ATXN2: variants seen among roughly 807,000 people sequenced by gnomAD.
The protein encoded by ATXN2 is ataxin 2.
A neutral mutation model predicts 138.6 loss-of-function variants in ATXN2; 37 were observed. The ratio of observed to expected loss-of-function variants is 0.27; its 90% CI spans 0.21 to 0.35. The LOEUF is 0.35. Ranked by LOEUF, ATXN2 falls within the 10% of genes least tolerant of loss-of-function variation. ATXN2 has a pLI of 1.00. For synonymous variants in ATXN2, 549 were observed against 543.7 expected (o/e 1.01, Z -0.13); for missense variants, 1,216 against 1,480.3 (o/e 0.82, Z 2.93).
intron 1 of ATXN2, among the ~76,000 whole-genome samples, chr12:111,588,664 C>A (rs1264306099): frequency 1.3e-5 from 2 of 151,176 alleles, no homozygotes; most frequent in South Asian, 2.1e-4. Context: ...ACAGCTGTGA[C>A]AAGTTTTCAT....
intron 1 of ATXN2, among the ~76,000 whole-genome samples, chr12:111,565,512 T>TC (rs1882950872): frequency 1.3e-5 from 2 of 152,202 alleles, no homozygotes; most frequent in African/African-American, 4.8e-5. Context: ...TATTATTGTA[T>TC]CTGTTATAGT....
At position 111,552,463 on chromosome 12, in the gene ATXN2, C is replaced by G; in HGVS notation, c.421-33G>C. On this transcript the variant is annotated intron_variant, in intron 4 of 24. Coordinates refer to ENST00000673436, the MANE Select transcript of ATXN2 (RefSeq NM_001372574.1). The surrounding 1 kb of genome is among the most constrained non-coding windows in gnomAD (Gnocchi z 4.1). Reference sequence around the variant, plus strand: ...GAAAAACACAAGTAAGTACTCCAAACCTTTACAAAATAAAATTTGTTAGGA... The same window carrying G: ...GAAAAACACAAGTAAGTACTCCAAAGCTTTACAAAATAAAATTTGTTAGGA... The G allele has an allele frequency of 6.4e-7, 1 of 1,570,570 alleles. No individual in the cohort carries two copies.
rs147152664 is a variant in ATXN2, at chr12:111,501,672, G to T, written c.1935+7877C>A. 2.1e-3 allele frequency among the ~76,000 whole-genome samples: 326 copies of T among 152,238 alleles called. 3 individuals are homozygous for T. The South Asian group carries it at 0.023, about 11-fold the overall frequency. ...ACAGGGTATTTATGTGGGCACACTG[G>T]CAATTTAAGTCACGATGTAGGAACT... On this transcript the variant is annotated intron_variant, in intron 14 of 24. Coordinates refer to ENST00000673436, the MANE Select transcript of ATXN2 (RefSeq NM_001372574.1).
At chr12:111,513,672 G>GAAA in intron 10 of ATXN2, 133 bp from the exon 11 acceptor site, 7 of 469,932 alleles carry the variant, frequency 1.5e-5, no homozygotes, top group Non-Finnish European at 2.2e-5. Context: ...GTTAAAAATA[G>GAAA]AAAAAAAAAA....
chr12:111,499,472 G>A (rs1285203767), intron 14 of ATXN2, among the ~76,000 whole-genome samples: 1 of 152,190 alleles, frequency 6.6e-6, no homozygotes, highest in Non-Finnish European at 1.5e-5. Flanking sequence ...GGGAGGCTGA[G>A]GCAGGTAAAT....
At chr12:111,556,806 ACT>A (rs1395062116) in intron 1 of ATXN2, among the ~76,000 whole-genome samples, 6 of 148,774 alleles carry the variant, frequency 4.0e-5, no homozygotes, top group East Asian at 4.0e-4. Flanking sequence ...ACAGAGCAAG[ACT>A]CTGTCTCAAA....
At chr12:111,482,976 C>G (rs1246127985) in intron 18 of ATXN2, 1 of 152,108 alleles carries the variant, frequency 6.6e-6, no homozygotes, top group Non-Finnish European at 1.5e-5. Flanking sequence ...TCGCTTGAGC[C>G]CAGGAGTTTG....
intron 5 of ATXN2, among the ~76,000 whole-genome samples, chr12:111,548,074 T>A (rs1183523451): frequency 6.6e-6 from 1 of 151,872 alleles, no homozygotes; most frequent in Non-Finnish European, 1.5e-5. Flanking sequence ...GTGCCTGTAA[T>A]CCCAGTTATT....
At chr12:111,536,062 T>A (rs1881153987) in intron 5 of ATXN2, among the ~76,000 whole-genome samples, 1 of 151,312 alleles carries the variant, frequency 6.6e-6, no homozygotes, top group Non-Finnish European at 1.5e-5. Context: ...GAAGTTCCAC[T>A]GGGAAGGGCC....
intron 18 of ATXN2, 93 bp from the exon 19 acceptor site, chr12:111,470,835 C>T (rs1441780370): frequency 1.5e-6 from 2 of 1,355,784 alleles, no homozygotes; most frequent in African/African-American, 2.9e-5. Flanking sequence ...ATGATTTGAC[C>T]CTGAATCTGC....
At position 111,456,242 on chromosome 12, in the gene ATXN2, CTGGTGCTGA is replaced by C; in HGVS notation, c.3048_3056del (p.His1016_His1018del). Reference sequence around the variant, plus strand: ...TGGCCAGATGGAGAGCCTGGGCGGCCTGGTGCTGATGGTGCTGCAAAGCGACAGGAAAGA... The same window carrying C: ...TGGCCAGATGGAGAGCCTGGGCGGCCTGGTGCTGCAAAGCGACAGGAAAGA... On this transcript the variant is annotated inframe_deletion, in exon 23 of 25. Transcript: ENST00000673436. 1 of 1,614,196 alleles carries C rather than the reference CTGGTGCTGA, an allele frequency of 6.2e-7. No individual in the cohort carries two copies. Among genetic ancestry groups the C allele is most frequent in the South Asian group, 1.1e-5 (1 of 91,086 alleles).
intron 1 of ATXN2, among the ~76,000 whole-genome samples, chr12:111,585,597 G>A (rs936731326): frequency 1.3e-4 from 19 of 151,784 alleles, no homozygotes; most frequent in South Asian, 2.1e-4. Flanking sequence ...CTGAGGTCAG[G>A]AGTTCGAGAC....
chr12:111,457,027 C>T (rs1052052722), intron 22 of ATXN2, among the ~76,000 whole-genome samples, 187 bp downstream of exon 22: 2 of 152,184 alleles, frequency 1.3e-5, no homozygotes, highest in African/African-American at 4.8e-5. Context: ...GGATTACAGG[C>T]GTGAGCCACT....
intron 6 of ATXN2, among the ~76,000 whole-genome samples, chr12:111,524,439 C>CA (rs1299739451): frequency 3.9e-5 from 6 of 152,178 alleles, no homozygotes; most frequent in Admixed American, 2.6e-4. Flanking sequence ...ATCCTAAAGA[C>CA]AGAGTCTTTA....
intron 5 of ATXN2, among the ~76,000 whole-genome samples, chr12:111,531,185 C>T (rs927178799): frequency 6.6e-6 from 1 of 152,020 alleles, no homozygotes; most frequent in Non-Finnish European, 1.5e-5. Context: ...GAGGCTGAGG[C>T]GGGTGGATCA....
intron 5 of ATXN2, among the ~76,000 whole-genome samples, chr12:111,542,857 A>G (rs922822921): frequency 6.6e-6 from 1 of 152,204 alleles, no homozygotes; most frequent in Non-Finnish European, 1.5e-5. Context: ...TCCAAATAAA[A>G]TTCTATTTTA....
intron 13 of ATXN2, 48 bp downstream of exon 13, chr12:111,509,843 C>T: frequency 7.2e-7 from 1 of 1,387,904 alleles, no homozygotes; most frequent in Non-Finnish European, 1.0e-6. Context: ...ATTAGACATA[C>T]TTCTTCCTAT....
At chr12:111,562,677 G>A (rs1882762701) in intron 1 of ATXN2, among the ~76,000 whole-genome samples, 1 of 139,442 alleles carries the variant, frequency 7.2e-6, no homozygotes. Flanking sequence ...CCAAGATCAG[G>A]CCACCGCACT....
At chr12:111,561,005 C>T (rs1220424128) in intron 1 of ATXN2, among the ~76,000 whole-genome samples, 1 of 150,602 alleles carries the variant, frequency 6.6e-6, no homozygotes, top group South Asian at 2.1e-4. Context: ...CGGGCTGAAA[C>T]CCCATCTCTA....
Sources: gnomAD v4.1 joint callset for allele counts (sites outside exome capture counted in the v4.1 genomes callset) on GRCh38, gnomAD v4.1.1 for gene constraint, Gnocchi (gnomAD v3.1) non-coding constraint, MANE v1.5 for transcripts, NCBI Gene and HGNC (gene_info 2026-07-23, HGNC 2026-07-21) for gene names.